The following TTN variants were observed in gnomAD, a reference collection of about 807,000 sequenced individuals.
TTN encodes the protein connectin.
A neutral mutation model predicts 3,223.0 loss-of-function variants in TTN; 1,525 were observed. The observed-to-expected ratio is 0.47, with a 90% CI of 0.45 to 0.49. TTN has a LOEUF of 0.49. Among genes scored for constraint, TTN ranks in the 20% least tolerant of loss-of-function variants. The probability of loss-of-function intolerance (pLI) is 0.00; values close to 1 mark genes in which losing one functional copy is unlikely to be tolerated. For missense variants in TTN, 40,786 were observed against 43,424.0 expected (o/e 0.94, Z 5.40); for synonymous variants, 14,094 against 15,161.0 (o/e 0.93, Z 5.17).
chr2:178,586,777 ACTT>A lies in TTN; in HGVS notation c.64121_64123del (p.Glu21374del). On this transcript the variant is annotated inframe_deletion, in exon 308 of 363. Coordinates refer to ENST00000589042, the MANE Select transcript of TTN (RefSeq NM_001267550.2). The stretch of plus-strand genomic sequence containing the variant: ...GGCACTGTTCTTGGTCATTTCAGTC[ACTT>A]CTAATTTCCTTGGGGGATCCGGCTC... The A allele has an allele frequency of 6.2e-7, 1 of 1,612,850 alleles. No individual in the cohort carries two copies. Among genetic ancestry groups the A allele is most frequent in the Non-Finnish European group, 8.5e-7 (1 of 1,179,232 alleles).
At position 178,718,927 on chromosome 2, in the gene TTN, A is replaced by C; in HGVS notation, c.24273T>G (p.Pro8091=). The change falls in exon 84 of 363, where the codon CCT becomes CCG. Residue 8091 remains proline (P), a synonymous_variant. Coordinates refer to ENST00000589042, the MANE Select transcript of TTN (RefSeq NM_001267550.2). ...CACTGGTGAATGTGAGGCTCATTCCAGGCAAAACTTCCACAGAATCAGGGG... is the reference window on the plus strand; with the variant it reads ...CACTGGTGAATGTGAGGCTCATTCCCGGCAAAACTTCCACAGAATCAGGGG... ...EQTPDSVEVL[P]GMSLTFTSVI... The C allele has an allele frequency of 6.2e-7, 1 of 1,612,212 alleles. No homozygotes were observed. Among genetic ancestry groups the C allele is most frequent in the Non-Finnish European group, 8.5e-7 (1 of 1,179,028 alleles).
Position 178,644,548 on chromosome 2 carries a change from CT to C in TTN, c.40476del (p.Val13493CysfsTer25). On this transcript the variant is annotated frameshift_variant and splice_region_variant, in exon 218 of 363. Coordinates refer to ENST00000589042, the MANE Select transcript of TTN (RefSeq NM_001267550.2). LOFTEE classifies it high-confidence loss of function. ...ATGTATTTTTCAGCCTGTGAAATAC[CT>C]TTCAGAGGTGTAAGCTCCACTTTTT... The part of the protein sequence containing the change: ...VPEKVELTPL[K>X]VPGGEKKVRK... The C allele has an allele frequency of 6.4e-7, 1 of 1,573,836 alleles. No homozygotes were observed. Among genetic ancestry groups the C allele is most frequent in the Non-Finnish European group, 8.6e-7 (1 of 1,164,150 alleles).
At chr2:178,750,469 C>T in intron 47 of TTN, 1 of 1,612,870 alleles carries the variant, frequency 6.2e-7, no homozygotes, top group East Asian at 2.2e-5. Context: ...CATTGTTATA[C>T]CACGTCACTA....
rs373626283 is a variant in TTN, at chr2:178,739,040, T to C, written c.14092+101A>G. On this transcript the variant is annotated intron_variant, in intron 48 of 362. Coordinates refer to ENST00000589042, the MANE Select transcript of TTN (RefSeq NM_001267550.2). ...TCATTCTTACTCTAAATAAATTACA[T>C]TCTGGAAGTGGCAGATAAGTGAAAA... 3.6e-5 allele frequency: 48 copies of C among 1,341,862 alleles called. No individual in the cohort carries two copies. The African/African-American group carries it at 5.9e-4, about 16-fold the overall frequency. 83.1% of individuals were successfully genotyped at this position (1,341,862 alleles called of 1,614,324 possible). A position where few individuals can be genotyped will look rare whatever the true frequency, so the allele number is the denominator to read the frequency against.
chr2:178,532,024 G>A lies in TTN; in HGVS notation c.104591C>T (p.Pro34864Leu), dbSNP rs72629788. The change falls in exon 358 of 363, where the codon CCG becomes CTG. Residue 34864 changes from proline (P) to leucine (L), a missense_variant. Transcript: ENST00000589042. ...TGTGTCATCTTCGTATTCCTCAGCC[G>A]GTTGTGGACGTGACCGGATCAGCTC... ...VSELIRSRPQ[P>L]AEEYEDDTER... 74 of 1,613,848 alleles carry A rather than the reference G, an allele frequency of 4.6e-5. No homozygotes were observed. Among genetic ancestry groups the A allele is most frequent in the Non-Finnish European group, 5.2e-5 (61 of 1,179,872 alleles).
chr2:178,753,178 G>T lies in TTN; in HGVS notation c.11257C>A (p.Pro3753Thr). The change falls in exon 47 of 363, where the codon CCT (proline) becomes ACT (threonine). Residue 3753 changes from proline (P) to threonine (T), a missense_variant and splice_region_variant. Transcript: ENST00000589042. ...ATCCTCTCATGCAAAATTGATTCAG[G>T]AGCTAAAATAGAAAAACATATAAAG... ...TSAVLSVEGAPESILHERIEQ... is the reference protein window; with the variant it reads ...TSAVLSVEGATESILHERIEQ... 1 of 1,606,744 alleles carries T rather than the reference G, an allele frequency of 6.2e-7. No individual in the cohort carries two copies.
Position 178,542,791 on chromosome 2 carries a change from CT to C in TTN, c.97062del (p.Val32355LeufsTer7). The stretch of plus-strand genomic sequence containing the variant: ...TTAGCTACTTTAGTGTGAGTTTCAA[CT>C]GTGACACGCTCTGATTCTCTCAGTT... The part of the protein sequence containing the change: ...GSKLRESERV[T>X]VETHTKVAKL... On this transcript the variant is annotated frameshift_variant, in exon 348 of 363. Transcript: ENST00000589042. LOFTEE classifies it high-confidence loss of function. The C allele has an allele frequency of 6.2e-7, 1 of 1,613,732 alleles. No individual in the cohort carries two copies. The highest frequency in any genetic ancestry group is 1.1e-5 in the South Asian group (1 of 91,072).
rs773967663 is a variant in TTN at position 178,546,413 on chromosome 2, C to G, written c.94918G>C (p.Gly31640Arg). The G allele has an allele frequency of 1.2e-6, 2 of 1,613,736 alleles. No homozygotes were observed. The highest frequency in any genetic ancestry group is 4.5e-5 in the East Asian group (2 of 44,848). ...ATAATTTTGGGTTCAGGTTTGCCAC[C>G]AACTGCAGCATCCAGAACAAGATCA... Reference protein sequence around the residue: ...GSDLVLDAAVGGKPEPKIIWT... With the variant: ...GSDLVLDAAVRGKPEPKIIWT... The change falls in exon 342 of 363, where the codon GGT becomes CGT. Residue 31640 changes from glycine (G) to arginine (R), a missense_variant. Transcript: ENST00000589042.
chr2:178,634,740 G>C lies in TTN; in HGVS notation c.42134C>G (p.Ala14045Gly). Residue 14045 changes from alanine (A) to glycine (G), a missense_variant, in exon 229 of 363, where the codon GCC (alanine) becomes GGC (glycine). Coordinates refer to ENST00000589042, the MANE Select transcript of TTN (RefSeq NM_001267550.2). The surrounding 1 kb of genome is among the most constrained non-coding windows in gnomAD (Gnocchi z 4.6). ...CCCCATACCTTTTACTGTCAAAATG[G>C]CAGTTGTAATTGCATTAAGGGCCTG... ...LYQALNAITTAILTVKEIELD... is the reference protein window; with the variant it reads ...LYQALNAITTGILTVKEIELD... 6.2e-7 allele frequency: 1 copy of C among 1,613,030 alleles called. No individual in the cohort carries two copies. Among genetic ancestry groups the C allele is most frequent in the Non-Finnish European group, 8.5e-7 (1 of 1,179,376 alleles).
In TTN at chr2:178,563,773, T is replaced by G. The variant is rs1378227360; in HGVS notation, c.82359A>C (p.Gly27453=). Residue 27453 remains glycine, a synonymous_variant, in exon 326 of 363, where the codon GGA becomes GGC. Transcript: ENST00000589042. The surrounding 1 kb of genome is among the most constrained non-coding windows in gnomAD (Gnocchi z 4.5). ...RVMAVNKYGI[G]EPLESGPVTA... ...TAACAGGCCCAGATTCCAAGGGCTC[T>G]CCAATTCCATATTTATTCACAGCCA... The G allele has an allele frequency of 6.2e-7, 1 of 1,613,588 alleles. No homozygotes were observed. Among genetic ancestry groups the G allele is most frequent in the African/African-American group, 1.3e-5 (1 of 74,896 alleles).
chr2:178,730,015 T>G, intron 62 of TTN, 70 bp from the exon 63 acceptor site: 1 of 1,596,670 alleles, frequency 6.3e-7, no homozygotes, highest in Non-Finnish European at 8.5e-7. Flanking sequence ...ACTGCTGTCT[T>G]AAGCGTCCCC....
In TTN at chr2:178,733,835, A is replaced by G; in HGVS notation, c.15554T>C (p.Val5185Ala). 6.2e-7 allele frequency: 1 copy of G among 1,613,614 alleles called. No homozygotes were observed. Among genetic ancestry groups the G allele is most frequent in the Non-Finnish European group, 8.5e-7 (1 of 1,179,616 alleles). Residue 5185 changes from valine (V) to alanine (A), a missense_variant, in exon 53 of 363, where the codon GTT becomes GCT. By Grantham distance (64) the Val-to-Ala change is moderately conservative. Coordinates refer to ENST00000589042, the MANE Select transcript of TTN (RefSeq NM_001267550.2). ...CCCTCTCACAGCAGCTTGCAGGGTA[A>G]CGGTTTGTCCTCCTAGTGCAATCAA... ...DDLIALGGQT[V>A]TLQAAVRGSE...
chr2:178,531,879 C>CTCA lies in TTN; in HGVS notation c.104733_104735dup (p.Tyr34911_Glu34912insAsp). On this transcript the variant is annotated inframe_insertion, in exon 358 of 363. Coordinates refer to ENST00000589042, the MANE Select transcript of TTN (RefSeq NM_001267550.2). ...GAGTTTTTAAAGCAGCTTTCATGGA[C>CTCA]TCATACCTGGAAAAGATATCAAATC... is the stretch of plus-strand genomic sequence containing the variant. 6.2e-7 allele frequency: 1 copy of CTCA among 1,613,068 alleles called. No homozygotes were observed. Among genetic ancestry groups the CTCA allele is most frequent in the Non-Finnish European group, 8.5e-7 (1 of 1,179,434 alleles).
At position 178,618,749 on chromosome 2, in the gene TTN, A is replaced by G; in HGVS notation, c.46801T>C (p.Trp15601Arg). The stretch of plus-strand genomic sequence containing the variant: ...GATAAAGGTTCATTTTCTTTAAACC[A>G]TTCAGCTTCTGCTTTGGGGTAGGCA... ...YDAYPKAEAE[W>R]FKENEPLSTK... The change falls in exon 251 of 363, where the codon TGG becomes CGG. Residue 15601 changes from tryptophan to arginine, a missense_variant. Coordinates refer to ENST00000589042, the MANE Select transcript of TTN (RefSeq NM_001267550.2). 6.2e-7 allele frequency: 1 copy of G among 1,611,820 alleles called. No individual in the cohort carries two copies. The highest frequency in any genetic ancestry group is 8.5e-7 in the Non-Finnish European group (1 of 1,178,784).
rs748946057 is a variant in TTN at position 178,558,506 on chromosome 2, C to G, written c.86953G>C (p.Gly28985Arg). Residue 28985 changes from glycine (G) to arginine (R), a missense_variant, in exon 327 of 363, where the codon GGA becomes CGA. Coordinates refer to ENST00000589042, the MANE Select transcript of TTN (RefSeq NM_001267550.2). Reference sequence around the variant, plus strand: ...GCACATTTAACCCAGTTTTTCTGTCCTTTTTCTAGTGCTTCAACGACATAG... The same window carrying G: ...GCACATTTAACCCAGTTTTTCTGTCGTTTTTCTAGTGCTTCAACGACATAG... The part of the protein sequence containing the change: ...VHYVVEALEK[G>R]QKNWVKCAVA... The G allele has an allele frequency of 6.2e-7, 1 of 1,613,744 alleles. No individual in the cohort carries two copies. The highest frequency in any genetic ancestry group is 1.3e-5 in the African/African-American group (1 of 75,030).
chr2:178,791,953 A>G, intron 10 of TTN, 119 bp downstream of exon 10: 1 of 1,128,620 alleles, frequency 8.9e-7, no homozygotes, highest in South Asian at 1.5e-5. Flanking sequence ...GAGGAACAAT[A>G]ACAAAAAATA....
At position 178,561,998 on chromosome 2, in the gene TTN, G is replaced by A; in HGVS notation, c.84134C>T (p.Thr28045Ile). 1 of 1,613,478 alleles carries A rather than the reference G, an allele frequency of 6.2e-7. No individual in the cohort carries two copies. The highest frequency in any genetic ancestry group is 8.5e-7 in the Non-Finnish European group (1 of 1,179,706). Reference sequence around the variant, plus strand: ...AAGGACAATTATAGTAATAGGAACTGTTATGGATCCAGCACTGTTTGAAAC... The same window carrying A: ...AAGGACAATTATAGTAATAGGAACTATTATGGATCCAGCACTGTTTGAAAC... ...LCVSNSAGSI[T>I]VPITIIVLDR... Residue 28045 changes from threonine to isoleucine, a missense_variant, in exon 326 of 363, where the codon ACA (threonine) becomes ATA (isoleucine). Physicochemically the swap from Thr to Ile is moderately conservative, Grantham distance 89. Coordinates refer to ENST00000589042, the MANE Select transcript of TTN (RefSeq NM_001267550.2).
In TTN at chr2:178,534,084, C is replaced by T. The variant is rs1575274682; in HGVS notation, c.102531G>A (p.Leu34177=). The change falls in exon 358 of 363, where the codon CTG becomes CTA. Residue 34177 remains leucine (L), a synonymous_variant. Transcript: ENST00000589042. The part of the protein sequence containing the change: ...QVTWYFGVRQ[L]ENSEKYEITY... ...TGATTTCGTATTTCTCACTGTTCTC[C>T]AGCTGTCGGACGCCAAAGTACCAAG... 6.2e-7 allele frequency: 1 copy of T among 1,613,952 alleles called. No individual in the cohort carries two copies. Among genetic ancestry groups the T allele is most frequent in the Non-Finnish European group, 8.5e-7 (1 of 1,179,854 alleles).
In TTN at chr2:178,739,737, G is replaced by T. The variant is rs375415485; in HGVS notation, c.13496C>A (p.Ala4499Asp). 1 of 1,613,788 alleles carries T rather than the reference G, an allele frequency of 6.2e-7. No individual in the cohort carries two copies. The highest frequency in any genetic ancestry group is 1.1e-5 in the South Asian group (1 of 91,058). The stretch of plus-strand genomic sequence containing the variant: ...CATTTCTTCTTGCAAACTTGTTTTG[G>T]CTCCTTGCTGAATTCTAGGACCCTC... ...TAEGPRIQQGAKTSLQEEMDS... is the reference protein window; with the variant it reads ...TAEGPRIQQGDKTSLQEEMDS... The change falls in exon 48 of 363, where the codon GCC (alanine) becomes GAC (aspartate). Residue 4499 changes from alanine to aspartate, a missense_variant. Transcript: ENST00000589042.
Sources: gnomAD v4.1 joint callset for allele counts on GRCh38, gnomAD v4.1.1 for gene constraint, Gnocchi (gnomAD v3.1) non-coding constraint, MANE v1.5 for transcripts, NCBI Gene and HGNC (gene_info 2026-07-23, HGNC 2026-07-21) for gene names.